The following NAV1 variants were observed in gnomAD, a reference collection of about 807,000 sequenced individuals.
NAV1 encodes pore membrane and/or filament interacting like protein 3.
In NAV1, 18 loss-of-function variants were observed where a neutral mutation model predicts 175.2. The observed-to-expected ratio is 0.10, with a 90% confidence interval of 0.07 to 0.15. The LOEUF (loss-of-function observed/expected upper bound fraction) is 0.15. Ranked by LOEUF, NAV1 falls within the 10% of genes least tolerant of loss-of-function variation. The pLI is 1.00. For synonymous variants in NAV1, 897 were observed against 978.7 expected, an observed-to-expected ratio of 0.92 and a Z score of 1.56; for missense variants, 1,731 against 2,436.6, an observed-to-expected ratio of 0.71 and a Z score of 6.10.
intron 1 of NAV1, among the ~76,000 whole-genome samples, chr1:201,586,180 TGAAA>T (rs1291877733): frequency 2.6e-5 from 4 of 151,194 alleles, no homozygotes; most frequent in African/African-American, 9.7e-5. Context: ...TGAACCTTGA[TGAAA>T]TGCTAAGTGA....
chr1:201,677,505 T>C lies in NAV1; in HGVS notation c.757+28080T>C, dbSNP rs79237396. 3.1e-4 allele frequency among the ~76,000 whole-genome samples: 47 copies of C among 152,252 alleles called. No homozygotes were observed. The East Asian group carries it at 6.6e-3, about 21-fold the overall frequency. On this transcript the variant is annotated intron_variant, in intron 1 of 29. Coordinates refer to ENST00000367296, the Ensembl canonical transcript of NAV1. Reference sequence around the variant, plus strand: ...CCCCGTCCCCCTCAGGGTGTGGGAATGCATCTGACTGCTTGCTCCTGGGAC... The same window carrying C: ...CCCCGTCCCCCTCAGGGTGTGGGAACGCATCTGACTGCTTGCTCCTGGGAC...
At chr1:201,682,297 GAA>G (rs1670499067) in intron 1 of NAV1, among the ~76,000 whole-genome samples, 1 of 151,714 alleles carries the variant, frequency 6.6e-6, no homozygotes, top group Middle Eastern at 3.4e-3. Context: ...AAAAAAAAAA[GAA>G]AGAGAAAAAT....
intron 2 of NAV1, among the ~76,000 whole-genome samples, chr1:201,611,026 G>A (rs1667828167): frequency 6.6e-6 from 1 of 152,092 alleles, no homozygotes; most frequent in Non-Finnish European, 1.5e-5. Context: ...AGAGCCAGGA[G>A]CCAGCCAGGC....
At chr1:201,777,176 A>G (rs1676008244) in intron 3 of NAV1, among the ~76,000 whole-genome samples, 1 of 152,230 alleles carries the variant, frequency 6.6e-6, no homozygotes. Context: ...GAGGTACTTC[A>G]CTGAAACAAG....
At position 201,587,745 on chromosome 1, in the gene NAV1, A is replaced by C. The variant is rs370415903; in HGVS notation, c.-143-794A>C. Among the ~76,000 whole-genome samples, 9 of 152,344 alleles carry C rather than the reference A, an allele frequency of 5.9e-5. No individual in the cohort carries two copies. In the East Asian group the frequency reaches 1.3e-3, roughly 23 times the overall value. ...AATTCAACAATAAACTCAAATTAAA[A>C]GTAGGCAAAATATTTGAATAGATAT... On this transcript the variant is annotated intron_variant, in intron 1 of 33. Transcript: ENST00000685211.
Position 201,788,777 on chromosome 1 carries a change from T to G in NAV1, c.3166+139T>G. The G allele has an allele frequency of 2.8e-6, 3 of 1,059,194 alleles. No individual in the cohort carries two copies. The South Asian group carries it at 4.8e-5, about 17-fold the overall frequency. The allele number at this position is 1,059,194 out of a possible 1,614,324, so 65.6% of individuals were successfully genotyped here. A position where few individuals can be genotyped will look rare whatever the true frequency, so the allele number is the denominator to read the frequency against. The stretch of plus-strand genomic sequence containing the variant: ...ATCAAGTTGGGCCATTTCAGTTTTT[T>G]CTCCCCATCCCTTTGAAGGGTCTGG... On this transcript the variant is annotated intron_variant, in intron 10 of 29. Transcript: ENST00000367296. This position sits in a 1 kb window ranked among gnomAD's most constrained non-coding sequence, Gnocchi z 5.7.
intron 1 of NAV1, among the ~76,000 whole-genome samples, chr1:201,697,877 G>A (rs1350002523): frequency 6.6e-6 from 1 of 152,204 alleles, no homozygotes; most frequent in African/African-American, 2.4e-5. Context: ...GAATATGCCA[G>A]GTCTCTGCCC....
At chr1:201,738,154 C>T (rs999155021) in intron 3 of NAV1, among the ~76,000 whole-genome samples, 2 of 151,836 alleles carry the variant, frequency 1.3e-5, no homozygotes, top group African/African-American at 4.8e-5. Context: ...GGAGCTGGTG[C>T]ATCTTTTCTA....
chr1:201,705,998 G>A (rs1426740312), intron 1 of NAV1, among the ~76,000 whole-genome samples: 1 of 152,180 alleles, frequency 6.6e-6, no homozygotes, highest in African/African-American at 2.4e-5. Flanking sequence ...TTTATCGTTA[G>A]ACCAAGGAGT....
intron 1 of NAV1, among the ~76,000 whole-genome samples, chr1:201,693,753 C>T (rs529218449): frequency 5.9e-5 from 9 of 152,080 alleles, no homozygotes; most frequent in Non-Finnish European, 1.3e-4. Context: ...AGCCAGGCAT[C>T]GGCCTGAATG....
intron 3 of NAV1, among the ~76,000 whole-genome samples, chr1:201,772,296 T>G (rs538247587): frequency 1.3e-5 from 2 of 152,326 alleles, no homozygotes; most frequent in East Asian, 1.9e-4. Context: ...ATGTGAAATA[T>G]GAACAGATAG....
intron 1 of NAV1, among the ~76,000 whole-genome samples, chr1:201,548,761 T>C (rs1665741564): frequency 6.6e-6 from 1 of 152,092 alleles, no homozygotes; most frequent in Non-Finnish European, 1.5e-5. Context: ...TAAAATCAAA[T>C]ATTGGGAGGA....
At chr1:201,602,673 T>A (rs746115007) in intron 2 of NAV1, among the ~76,000 whole-genome samples, 2 of 149,338 alleles carry the variant, frequency 1.3e-5, no homozygotes, top group Non-Finnish European at 3.0e-5. Context: ...TTTGGTTTTT[T>A]TTTTACCATG....
At chr1:201,809,091 G>C in intron 20 of NAV1, 73 bp from the exon 25 acceptor site, 1 of 1,479,192 alleles carries the variant, frequency 6.8e-7, no homozygotes, top group Middle Eastern at 1.7e-4. Context: ...ATTTTGGAAA[G>C]GATAATGATG....
chr1:201,684,259 T>A (rs1304581878), intron 1 of NAV1, among the ~76,000 whole-genome samples: 1 of 152,108 alleles, frequency 6.6e-6, no homozygotes, highest in Non-Finnish European at 1.5e-5. Context: ...GAGATCTGAG[T>A]GCTGGGTGTG....
rs769624749 is a variant in NAV1, at chr1:201,810,053, C to T, written c.4509C>T (p.Pro1503=). 6.1e-5 allele frequency: 99 copies of T among 1,613,928 alleles called. No homozygotes were observed. The highest frequency in any genetic ancestry group is 6.9e-5 in the Non-Finnish European group (81 of 1,180,016). ...AACGAGTGTTGGATGCAGAGCCCCC[C>T]GAGATGCCTCCTTGCCGTCGAGGTG... is the stretch of plus-strand genomic sequence containing the variant. The change falls in exon 23 of 30, where the codon CCC becomes CCT. Residue 1503 remains proline (P), a synonymous_variant. Coordinates refer to ENST00000367296, the Ensembl canonical transcript of NAV1. The surrounding 1 kb of genome is among the most constrained non-coding windows in gnomAD (Gnocchi z 6.0).
chr1:201,632,670 G>T (rs1218092701), intron 2 of NAV1, among the ~76,000 whole-genome samples: 9 of 152,238 alleles, frequency 5.9e-5, no homozygotes. Flanking sequence ...GACCCACAAT[G>T]AAGGGATCTT....
chr1:201,637,705 G>T (rs943723143), intron 2 of NAV1, among the ~76,000 whole-genome samples: 2 of 152,310 alleles, frequency 1.3e-5, no homozygotes, highest in African/African-American at 2.4e-5. Flanking sequence ...CAAGGAGTTT[G>T]CTTGTCCCCA....
At chr1:201,796,863 G>GT (rs1232518811) in intron 15 of NAV1, 1 of 152,184 alleles carries the variant, frequency 6.6e-6, no homozygotes, top group Non-Finnish European at 1.5e-5. Flanking sequence ...AGCTTTAAGA[G>GT]TTTTTTAATA....
Sources: allele counts gnomAD v4.1 joint callset (sites outside exome capture counted in the v4.1 genomes callset), GRCh38; gene constraint gnomAD v4.1.1; non-coding constraint Gnocchi (gnomAD v3.1); transcripts MANE v1.5; gene names NCBI Gene and HGNC (gene_info 2026-07-23, HGNC 2026-07-21).